OGFOD1: variants seen among roughly 807,000 people sequenced by gnomAD.
The protein encoded by OGFOD1 is prolyl 3-hydroxylase OGFOD1.
In OGFOD1, 54 loss-of-function variants were observed where a neutral mutation model predicts 67.7. That is an observed-to-expected ratio of 0.80 (90% CI 0.64 to 1.00). OGFOD1 has a LOEUF of 1.00. Ranked by LOEUF, OGFOD1 falls within the 50% of genes least tolerant of loss-of-function variation. The pLI is 0.00. For missense variants in OGFOD1, 606 were observed against 646.7 expected, an observed-to-expected ratio of 0.94 and a Z score of 0.68; for synonymous variants, 221 against 227.0, an observed-to-expected ratio of 0.97 and a Z score of 0.24.
chr16:56,451,811 G>T, intron 1 of OGFOD1, 45 bp downstream of exon 1: 1 of 1,595,344 alleles, frequency 6.3e-7, no homozygotes. Context: ...AGAGGTCTAG[G>T]GATCTCTGAA....
Position 56,467,238 on chromosome 16 carries a change from G to T in OGFOD1, c.731G>T (p.Arg244Leu). The change falls in exon 7 of 13, where the codon CGG (arginine) becomes CTG (leucine). Residue 244 changes from arginine to leucine, a missense_variant. By Grantham distance (102) the Arg-to-Leu change is moderately radical. Transcript: ENST00000566157. ...TGGTTTCATGGTCCATCATTGACTCGGCCTCCCAACTACTTTGAACCCCCC... is the reference window on the plus strand; with the variant it reads ...TGGTTTCATGGTCCATCATTGACTCTGCCTCCCAACTACTTTGAACCCCCC... ...SGWFHGPSLT[R>L]PPNYFEPPIP... 1 of 1,613,920 alleles carries T rather than the reference G, an allele frequency of 6.2e-7. No homozygotes were observed. The highest frequency in any genetic ancestry group is 8.5e-7 in the Non-Finnish European group (1 of 1,179,976).
intron 3 of OGFOD1, 46 bp from the exon 4 acceptor site, chr16:56,462,488 A>G (rs781708642): frequency 1.5e-5 from 18 of 1,219,614 alleles, no homozygotes; most frequent in Non-Finnish European, 2.2e-5. Context: ...TGTGACCTAG[A>G]TCCCACACTG....
intron 2 of OGFOD1, chr16:56,453,610 TAGAC>T (rs1260907247): frequency 4.2e-6 from 2 of 477,170 alleles, no homozygotes; most frequent in Non-Finnish European, 7.4e-6. Flanking sequence ...ATGGAAGCCT[TAGAC>T]AGTGCCTGCC....
intron 10 of OGFOD1, among the ~76,000 whole-genome samples, chr16:56,472,089 G>A (rs761782904): frequency 3.9e-5 from 6 of 151,982 alleles, no homozygotes; most frequent in Non-Finnish European, 7.4e-5. Context: ...AGTATCCCAA[G>A]TAGCTGGGAT....
chr16:56,475,480 G>A (rs1439751338), intron 11 of OGFOD1, 27 bp from the exon 12 acceptor site: 2 of 1,610,122 alleles, frequency 1.2e-6, no homozygotes, highest in Non-Finnish European at 8.5e-7. Flanking sequence ...GGAGCTTTCT[G>A]AATGCTGTTT....
chr16:56,475,360 T>A, intron 11 of OGFOD1, 147 bp from the exon 12 acceptor site: 1 of 745,070 alleles, frequency 1.3e-6, no homozygotes, highest in South Asian at 1.6e-5. Context: ...AACTAGATGA[T>A]AAGTTCAAGC....
Position 56,477,268 on chromosome 16 carries a change from C to T in OGFOD1, c.*1063C>T, listed in dbSNP as rs567514056. 1.3e-5 allele frequency: 2 copies of T among 152,380 alleles called. No homozygotes were observed. The highest frequency in any genetic ancestry group is 4.8e-5 in the African/African-American group (2 of 41,580). 9.4% of individuals were successfully genotyped at this position (152,380 alleles called of 1,614,324 possible). The stretch of plus-strand genomic sequence containing the variant: ...TCTGACACAGTGAGTCATCACATTT[C>T]CTCCCACTGCCTGTGGCCTTGTTCC... On this transcript the variant is annotated 3_prime_UTR_variant, in exon 13 of 13. Coordinates refer to ENST00000566157, the MANE Select transcript of OGFOD1 (RefSeq NM_018233.4).
rs2144032183 is a variant in OGFOD1, at chr16:56,470,472, A to G, written c.981-15A>G. The G allele has an allele frequency of 6.3e-7, 1 of 1,587,960 alleles. No homozygotes were observed. The highest frequency in any genetic ancestry group is 8.6e-7 in the Non-Finnish European group (1 of 1,168,854). On this transcript the variant is annotated splice_polypyrimidine_tract_variant and intron_variant, in intron 9 of 12. Transcript: ENST00000566157. Reference sequence around the variant, plus strand: ...CTGTGGCTTTGATGAACAACTTGACATTGCTGTTTTTCAGGTTTTATGAGA... The same window carrying G: ...CTGTGGCTTTGATGAACAACTTGACGTTGCTGTTTTTCAGGTTTTATGAGA...
intron 8 of OGFOD1, 22 bp downstream of exon 8, chr16:56,468,040 C>G (rs368763831): frequency 2.2e-5 from 28 of 1,283,380 alleles, no homozygotes; most frequent in Non-Finnish European, 3.1e-5. Context: ...GTATGTTGTT[C>G]TGAATATTTT....
Position 56,453,419 on chromosome 16 carries a change from C to T in OGFOD1, c.300+11C>T, listed in dbSNP as rs1209743058. ...TATAAGTTCCAGCAGGTATTTATTCCCCTGCCACATTAACTCTTCCAGCTT... is the reference window on the plus strand; with the variant it reads ...TATAAGTTCCAGCAGGTATTTATTCTCCTGCCACATTAACTCTTCCAGCTT... On this transcript the variant is annotated intron_variant, in intron 2 of 12. Coordinates refer to ENST00000566157, the MANE Select transcript of OGFOD1 (RefSeq NM_018233.4). 1 of 1,606,416 alleles carries T rather than the reference C, an allele frequency of 6.2e-7. No individual in the cohort carries two copies. The highest frequency in any genetic ancestry group is 1.7e-4 in the Middle Eastern group (1 of 6,022).
chr16:56,474,445 C>T (rs905082476), intron 10 of OGFOD1, among the ~76,000 whole-genome samples: 1 of 151,720 alleles, frequency 6.6e-6, no homozygotes, highest in Non-Finnish European at 1.5e-5. Flanking sequence ...CTTAAGCCTC[C>T]CGGGTAGCTG....
chr16:56,464,107 A>G (rs1962817449), intron 4 of OGFOD1, among the ~76,000 whole-genome samples: 1 of 152,208 alleles, frequency 6.6e-6, no homozygotes, highest in African/African-American at 2.4e-5. Flanking sequence ...CATGATCTTT[A>G]TGCTTTTGAA....
intron 10 of OGFOD1, among the ~76,000 whole-genome samples, chr16:56,471,287 G>C (rs920204331): frequency 1.8e-4 from 27 of 151,928 alleles, no homozygotes; most frequent in African/African-American, 6.3e-4. Context: ...ACTTGAACCG[G>C]GGAGGAGGAG....
rs769161113 is a variant in OGFOD1 at position 56,453,351 on chromosome 16, G to A, written c.243G>A (p.Lys81=). The change falls in exon 2 of 13, where the codon AAG becomes AAA. Residue 81 remains lysine (K), a synonymous_variant. Transcript: ENST00000566157. ...QSQDFLEGLQ[K]ELMNLDFHEK... ...AAGACTTCTTAGAAGGGCTTCAGAA[G>A]GAACTGATGAACTTGGACTTCCATG... 6.8e-6 allele frequency: 11 copies of A among 1,614,050 alleles called. No individual in the cohort carries two copies. Among genetic ancestry groups the A allele is most frequent in the Non-Finnish European group, 9.3e-6 (11 of 1,179,964 alleles).
At chr16:56,464,104 T>A (rs1962817245) in intron 4 of OGFOD1, among the ~76,000 whole-genome samples, 1 of 152,216 alleles carries the variant, frequency 6.6e-6, no homozygotes, top group Non-Finnish European at 1.5e-5. Flanking sequence ...TTTCATGATC[T>A]TTATGCTTTT....
chr16:56,455,379 A>AG (rs201755738), intron 2 of OGFOD1, among the ~76,000 whole-genome samples: 2 of 151,916 alleles, frequency 1.3e-5, no homozygotes, highest in Non-Finnish European at 2.9e-5. Flanking sequence ...AAAAAAAAAA[A>AG]CAAAACTGGA....
chr16:56,472,820 C>T lies in OGFOD1; in HGVS notation c.1286-2008C>T, dbSNP rs549143032. ...TCTGTATTTTTTCCACTTAATATTT[C>T]ATAAACCTCTTTCTGATCCTTTTAC... On this transcript the variant is annotated intron_variant, in intron 10 of 12. Transcript: ENST00000566157. Among the ~76,000 whole-genome samples the T allele has an allele frequency of 6.2e-4, 95 of 152,272 alleles. 1 individual carries two copies. In the South Asian group the frequency reaches 0.019, roughly 31 times the overall value.
Position 56,467,945 on chromosome 16 carries a change from A to G in OGFOD1, c.827A>G (p.Asp276Gly). The change falls in exon 8 of 13, where the codon GAC becomes GGC. Residue 276 changes from aspartate (D) to glycine (G), a missense_variant. Physicochemically the swap from Asp to Gly is moderately conservative, Grantham distance 94. Coordinates refer to ENST00000566157, the MANE Select transcript of OGFOD1 (RefSeq NM_018233.4). ...GATTGGATCAACCCTACTTATCTGG[A>G]CATGGATTACCAAGTTCAAATTCAA... ...LYDWINPTYL[D>G]MDYQVQIQEE... 1.2e-6 allele frequency: 2 copies of G among 1,608,966 alleles called. No individual in the cohort carries two copies. The highest frequency in any genetic ancestry group is 1.7e-6 in the Non-Finnish European group (2 of 1,175,352).
rs1567553989 is a variant in OGFOD1 at position 56,470,783 on chromosome 16, C to CA, written c.1280dup (p.Lys428GlufsTer25). On this transcript the variant is annotated frameshift_variant, in exon 10 of 13. Coordinates refer to ENST00000566157, the MANE Select transcript of OGFOD1 (RefSeq NM_018233.4). LOFTEE classifies it high-confidence loss of function. ...GACCCAGAGCCAGAGGAAAATGAAACAAAGAAAGGTAAGCTGTTGTTAGGA... is the reference window on the plus strand; with the variant it reads ...GACCCAGAGCCAGAGGAAAATGAAACAAAAGAAAGGTAAGCTGTTGTTAGGA... 3.8e-6 allele frequency: 6 copies of CA among 1,591,656 alleles called. No individual in the cohort carries two copies. In the South Asian group the frequency reaches 6.9e-5, roughly 18 times the overall value.
Sources: allele counts gnomAD v4.1 joint callset (sites outside exome capture counted in the v4.1 genomes callset), GRCh38; gene constraint gnomAD v4.1.1; transcripts MANE v1.5; gene names NCBI Gene and HGNC (gene_info 2026-07-23, HGNC 2026-07-21).